Variants in VAT1L observed in about 807,000 individuals in gnomAD.
VAT1L encodes vesicle amine transport 1 like.
VAT1L carries 34 observed loss-of-function variants against 44.1 expected under a neutral mutation model. That is an observed-to-expected ratio of 0.77 (90% CI 0.59 to 1.03). The LOEUF (loss-of-function observed/expected upper bound fraction) is 1.03. VAT1L is among the 50% of genes least tolerant of loss of function. The pLI is 0.00. For missense variants in VAT1L, 615 were observed against 538.8 expected, an observed-to-expected ratio of 1.14 and a Z score of -1.40; for synonymous variants, 253 against 202.2, an observed-to-expected ratio of 1.25 and a Z score of -2.13.
At chr16:77,848,486 G>A (rs1198555051) in intron 3 of VAT1L, among the ~76,000 whole-genome samples, 3 of 152,152 alleles carry the variant, frequency 2.0e-5, no homozygotes, top group African/African-American at 4.8e-5. Flanking sequence ...GGAGAGACAG[G>A]TAAGGAGTTG....
intron 7 of VAT1L, chr16:77,892,623 C>A: frequency 1.5e-6 from 1 of 689,292 alleles, no homozygotes; most frequent in South Asian, 1.4e-5. Context: ...GGTGACTTCA[C>A]ACTCCATAAT....
chr16:77,825,858 T>TAA (rs10657560), intron 3 of VAT1L, among the ~76,000 whole-genome samples: 17,318 of 138,978 alleles, frequency 0.12, 1,209 homozygotes, highest in South Asian at 0.26. Context: ...CTACTAAAAA[T>TAA]AAAAAAAAAA....
rs142846091 is a variant in VAT1L at position 77,936,871 on chromosome 16, C to CTTGTTTGTTTGT, written c.1078-34960_1078-34949dup. ...TAAGACCTGAGGGTTTGTTTGGTTT[C>CTTGTTTGTTTGT]TTGTTTGTTTGTTTGTTTGTTTGTT... On this transcript the variant is annotated intron_variant, in intron 7 of 8. Transcript: ENST00000302536. Among the ~76,000 whole-genome samples, 544 of 150,616 alleles carry CTTGTTTGTTTGT rather than the reference C, an allele frequency of 3.6e-3. 10 individuals carry two copies. Among genetic ancestry groups the CTTGTTTGTTTGT allele is most frequent in the East Asian group, 0.015 (73 of 4,990 alleles).
chr16:77,808,242 G>A (rs530435404), intron 1 of VAT1L, among the ~76,000 whole-genome samples: 1 of 152,176 alleles, frequency 6.6e-6, no homozygotes, highest in African/African-American at 2.4e-5. Context: ...CACATGTGAG[G>A]GATCTAGGTT....
Position 77,953,794 on chromosome 16 carries a change from C to A in VAT1L, c.1078-18056C>A, listed in dbSNP as rs569224797. Among the ~76,000 whole-genome samples the A allele has an allele frequency of 6.6e-5, 10 of 152,236 alleles. No individual in the cohort carries two copies. In the South Asian group the frequency reaches 1.7e-3, roughly 25 times the overall value. Reference sequence around the variant, plus strand: ...TATGGGCATGAGCCATCTTGCCCAGCCTGATTTGCATGTCTTAATTTGAGC... The same window carrying A: ...TATGGGCATGAGCCATCTTGCCCAGACTGATTTGCATGTCTTAATTTGAGC... On this transcript the variant is annotated intron_variant, in intron 7 of 8. Transcript: ENST00000302536.
chr16:77,800,797 A>G (rs1304872835), intron 1 of VAT1L: 1 of 152,168 alleles, frequency 6.6e-6, no homozygotes, highest in Non-Finnish European at 1.5e-5. Context: ...GGAAAGATAC[A>G]TTAATTATAT....
chr16:77,892,769 G>A lies in VAT1L; in HGVS notation c.1077+7967G>A, dbSNP rs2017281590. ...TGGTTTCTAGTTTTTCATCTGTACT[G>A]CCAAGACTGAGGGGTTGGATGGCAA... On this transcript the variant is annotated intron_variant, in intron 7 of 8. Transcript: ENST00000302536. The A allele has an allele frequency of 5.2e-6, 4 of 770,068 alleles. No homozygotes were observed. The South Asian group carries it at 5.4e-5, about 10-fold the overall frequency. 47.7% of individuals were successfully genotyped at this position (770,068 alleles called of 1,614,324 possible).
chr16:77,823,225 C>T (rs910942211), intron 2 of VAT1L, among the ~76,000 whole-genome samples: 1 of 151,946 alleles, frequency 6.6e-6, no homozygotes, highest in Non-Finnish European at 1.5e-5. Context: ...ACCATTCCCA[C>T]ACCCAAAAAA....
At chr16:77,793,303 G>A (rs1347717647) in intron 1 of VAT1L, among the ~76,000 whole-genome samples, 1 of 151,974 alleles carries the variant, frequency 6.6e-6, no homozygotes, top group East Asian at 1.9e-4. Context: ...ATTTTTTGTC[G>A]AGACAGAGTC....
chr16:77,867,458 GTTCATTCATTCA>G (rs200714097), intron 4 of VAT1L, among the ~76,000 whole-genome samples: 4 of 151,924 alleles, frequency 2.6e-5, no homozygotes, highest in African/African-American at 9.7e-5. Context: ...CAGACCTTTT[GTTCATTCATTCA>G]TTCATTCATT....
rs2018357855 is a variant in VAT1L at position 77,977,818 on chromosome 16, C to T, written c.*123C>T. Reference sequence around the variant, plus strand: ...AGTGCGTGTCGTGTTTGTCTGCAGTCAGCTGAGCTAAAAAGCTGTTGATCA... The same window carrying T: ...AGTGCGTGTCGTGTTTGTCTGCAGTTAGCTGAGCTAAAAAGCTGTTGATCA... On this transcript the variant is annotated 3_prime_UTR_variant, in exon 9 of 9. Transcript: ENST00000302536. The T allele has an allele frequency of 1.1e-6, 1 of 946,848 alleles. No individual in the cohort carries two copies. The highest frequency in any genetic ancestry group is 1.6e-5 in the South Asian group (1 of 61,814). The allele number at this position is 946,848 out of a possible 1,614,324, so 58.7% of individuals were successfully genotyped here.
chr16:77,921,325 C>G (rs1159982698), intron 7 of VAT1L, among the ~76,000 whole-genome samples: 1 of 152,172 alleles, frequency 6.6e-6, no homozygotes, highest in Non-Finnish European at 1.5e-5. Context: ...TATGTTTGCA[C>G]TGAGACGTGT....
intron 4 of VAT1L, among the ~76,000 whole-genome samples, chr16:77,866,774 TTCTC>T (rs1456835850): frequency 6.6e-6 from 1 of 152,192 alleles, no homozygotes; most frequent in Non-Finnish European, 1.5e-5. Context: ...ATCCGTTACT[TTCTC>T]TCTCTTTAGG....
At chr16:77,800,709 C>G (rs2016032090) in intron 1 of VAT1L, 1 of 152,220 alleles carries the variant, frequency 6.6e-6, no homozygotes, top group African/African-American at 2.4e-5. Context: ...CGCTGTGGCA[C>G]ATTTTCCCCC....
intron 8 of VAT1L, among the ~76,000 whole-genome samples, chr16:77,972,589 TG>T (rs202022006): frequency 0.017 from 2,642 of 152,232 alleles, 33 homozygotes; most frequent in Middle Eastern, 0.041. Flanking sequence ...GAGACCAGCC[TG>T]GCCAAGATGG....
chr16:77,857,758 T>A (rs2016873795), intron 3 of VAT1L, among the ~76,000 whole-genome samples: 1 of 145,546 alleles, frequency 6.9e-6, no homozygotes, highest in African/African-American at 2.5e-5. Context: ...TATTTATCCA[T>A]TATCTAATAC....
At chr16:77,886,584 C>G (rs748552945) in intron 7 of VAT1L, among the ~76,000 whole-genome samples, 3 of 152,194 alleles carry the variant, frequency 2.0e-5, no homozygotes, top group Non-Finnish European at 4.4e-5. Context: ...TGAACAACAA[C>G]TATGTGCCCA....
At chr16:77,817,264 G>T (rs1470964466) in intron 2 of VAT1L, among the ~76,000 whole-genome samples, 1 of 152,086 alleles carries the variant, frequency 6.6e-6, no homozygotes, top group Non-Finnish European at 1.5e-5. Flanking sequence ...TGGTGCAGGG[G>T]GCAGGACAAA....
At chr16:77,848,991 G>A (rs1304452396) in intron 3 of VAT1L, among the ~76,000 whole-genome samples, 2 of 152,194 alleles carry the variant, frequency 1.3e-5, no homozygotes, top group African/African-American at 2.4e-5. Flanking sequence ...GGTGAACAAT[G>A]AGAACACATG....
Sources: allele counts gnomAD v4.1 joint callset (sites outside exome capture counted in the v4.1 genomes callset), GRCh38; gene constraint gnomAD v4.1.1; transcripts MANE v1.5; gene names NCBI Gene and HGNC (gene_info 2026-07-23, HGNC 2026-07-21).